The following RANBP17 variants were observed in gnomAD, a reference collection of about 807,000 sequenced individuals.
RANBP17 encodes RAN binding protein 17.
A neutral mutation model predicts 141.2 loss-of-function variants in RANBP17; 158 were observed. The ratio of observed to expected loss-of-function variants is 1.12; its 90% confidence interval spans 0.98 to 1.28. The LOEUF (loss-of-function observed/expected upper bound fraction) is 1.28. RANBP17 is among the 50% of genes most tolerant of loss of function. The pLI is 0.00. For missense variants in RANBP17, 1,438 were observed against 1,290.7 expected (o/e 1.11, Z -1.75); for synonymous variants, 430 against 450.0 (o/e 0.96, Z 0.56).
chr5:171,227,072 C>G (rs1763924129), intron 22 of RANBP17, among the ~76,000 whole-genome samples: 1 of 152,068 alleles, frequency 6.6e-6, no homozygotes, highest in Admixed American at 6.6e-5. Flanking sequence ...GAAATCAGGC[C>G]AATGAATAAC....
intron 14 of RANBP17, among the ~76,000 whole-genome samples, chr5:171,082,851 G>C (rs558537983): frequency 6.6e-6 from 1 of 150,852 alleles, no homozygotes; most frequent in Admixed American, 6.6e-5. Context: ...ATAGACTGTA[G>C]CATTTTGGGT....
At position 170,894,486 on chromosome 5, in the gene RANBP17, T is replaced by TATATATATATATATATATATATATATA. The variant is rs376342999; in HGVS notation, c.424-1564_424-1563insATATATATATATATATATATATATATA. 3.4e-4 allele frequency among the ~76,000 whole-genome samples: 45 copies of TATATATATATATATATATATATATATA among 133,276 alleles called. 1 individual carries two copies. The highest frequency in any genetic ancestry group is 1.3e-3 in the South Asian group (5 of 3,716). The allele number at this position is 133,276 out of a possible 152,430, so 87.4% of individuals were successfully genotyped here. A position where few individuals can be genotyped will look rare whatever the true frequency, so the allele number is the denominator to read the frequency against. ...CCATAGAATAGTTAGTACGTGTTTT[T>TATATATATATATATATATATATATATA]TATATATATATATATATATATGGCT... On this transcript the variant is annotated intron_variant, in intron 4 of 27. Coordinates refer to ENST00000523189, the MANE Select transcript of RANBP17 (RefSeq NM_022897.5).
intron 5 of RANBP17, among the ~76,000 whole-genome samples, chr5:170,906,439 C>T (rs777081381): frequency 2.0e-5 from 3 of 151,934 alleles, no homozygotes; most frequent in Admixed American, 6.6e-5. Flanking sequence ...AGAAATGATA[C>T]TGTGCCCATC....
intron 24 of RANBP17, among the ~76,000 whole-genome samples, chr5:171,248,744 G>T (rs1033660727): frequency 6.6e-6 from 1 of 152,104 alleles, no homozygotes; most frequent in South Asian, 2.1e-4. Context: ...CACAGCCCTT[G>T]TATCTCCACA....
intron 14 of RANBP17, among the ~76,000 whole-genome samples, chr5:171,033,112 T>C (rs1355247114): frequency 1.3e-5 from 2 of 148,550 alleles, no homozygotes; most frequent in Non-Finnish European, 3.0e-5. Context: ...TTTGAATGCT[T>C]AGGACTGGAC....
chr5:171,271,212 CT>C, intron 25 of RANBP17: 2 of 184,682 alleles, frequency 1.1e-5, no homozygotes, highest in African/African-American at 2.4e-5. Context: ...AACATTCACC[CT>C]TTTCCTCAAT....
chr5:170,965,116 T>C (rs1026082475), intron 13 of RANBP17, among the ~76,000 whole-genome samples: 1 of 152,088 alleles, frequency 6.6e-6, no homozygotes, highest in East Asian at 1.9e-4. Context: ...GGTATCTCAT[T>C]GTGGTTTTGA....
intron 14 of RANBP17, among the ~76,000 whole-genome samples, chr5:171,091,369 TC>T (rs56689707): frequency 0.6 from 90,809 of 152,116 alleles, 28,979 homozygotes; most frequent in South Asian, 0.88. Flanking sequence ...GCTGTATTTA[TC>T]CAATGCCTGT....
chr5:171,267,982 G>T (rs1331946579), intron 25 of RANBP17, among the ~76,000 whole-genome samples: 1 of 152,118 alleles, frequency 6.6e-6, no homozygotes, highest in East Asian at 1.9e-4. Flanking sequence ...AGGGATAATG[G>T]ATGTCATTCA....
chr5:171,092,508 A>G (rs549941839), intron 14 of RANBP17, among the ~76,000 whole-genome samples: 2 of 152,224 alleles, frequency 1.3e-5, no homozygotes, highest in Non-Finnish European at 2.9e-5. Flanking sequence ...TCTTGCAACC[A>G]TTAGGACAAA....
At chr5:170,946,402 G>A (rs1774765613) in intron 12 of RANBP17, among the ~76,000 whole-genome samples, 1 of 152,116 alleles carries the variant, frequency 6.6e-6, no homozygotes, top group Non-Finnish European at 1.5e-5. Context: ...TGCTTGCAAT[G>A]TTTTAGATTC....
At chr5:171,118,632 T>C (rs1480973615) in intron 14 of RANBP17, among the ~76,000 whole-genome samples, 1 of 152,186 alleles carries the variant, frequency 6.6e-6, no homozygotes, top group East Asian at 1.9e-4. Context: ...AATTTATTTC[T>C]TGGTATTTTT....
At chr5:171,257,210 C>T (rs1251636283) in intron 24 of RANBP17, among the ~76,000 whole-genome samples, 1 of 152,146 alleles carries the variant, frequency 6.6e-6, no homozygotes, top group Non-Finnish European at 1.5e-5. Flanking sequence ...AGATAGTACA[C>T]GATGATCAAT....
At chr5:170,981,637 C>T (rs1777782268) in intron 14 of RANBP17, among the ~76,000 whole-genome samples, 1 of 151,948 alleles carries the variant, frequency 6.6e-6, no homozygotes, top group South Asian at 2.1e-4. Context: ...ATTGTGAAGC[C>T]TCCCCAGACA....
At chr5:171,297,710 T>C (rs1768902307) in intron 27 of RANBP17, among the ~76,000 whole-genome samples, 1 of 152,034 alleles carries the variant, frequency 6.6e-6, no homozygotes, top group Non-Finnish European at 1.5e-5. Context: ...TGAGCTGCTC[T>C]GTGAAATGAT....
intron 5 of RANBP17, among the ~76,000 whole-genome samples, chr5:170,908,277 A>G (rs1372347014): frequency 6.6e-6 from 1 of 151,982 alleles, no homozygotes; most frequent in Non-Finnish European, 1.5e-5. Context: ...CTTGGTACCC[A>G]TTGACGGTGG....
intron 5 of RANBP17, among the ~76,000 whole-genome samples, chr5:170,901,681 G>A (rs946201394): frequency 3.9e-5 from 6 of 152,026 alleles, no homozygotes; most frequent in African/African-American, 1.2e-4. Flanking sequence ...TCCATATTTC[G>A]TGCTTCCTTC....
At chr5:170,956,378 T>C (rs1162439614) in intron 13 of RANBP17, among the ~76,000 whole-genome samples, 1 of 152,168 alleles carries the variant, frequency 6.6e-6, no homozygotes, top group Non-Finnish European at 1.5e-5. Flanking sequence ...TTTGTTCCAT[T>C]TCCTTTTCAA....
chr5:171,202,044 T>C (rs1204890770), intron 19 of RANBP17, among the ~76,000 whole-genome samples: 1 of 152,238 alleles, frequency 6.6e-6, no homozygotes, highest in Non-Finnish European at 1.5e-5. Flanking sequence ...TCCCTATTTA[T>C]AGATAGTTTC....
Sources: gnomAD v4.1 joint callset for allele counts (sites outside exome capture counted in the v4.1 genomes callset) on GRCh38, gnomAD v4.1.1 for gene constraint, MANE v1.5 for transcripts, NCBI Gene and HGNC (gene_info 2026-07-23, HGNC 2026-07-21) for gene names.